PCDHA3: variants seen among roughly 807,000 people sequenced by gnomAD.
PCDHA3 encodes protocadherin alpha-3.
A neutral mutation model predicts 62.2 loss-of-function variants in PCDHA3; 41 were observed. That is an observed-to-expected ratio of 0.66 (90% CI 0.51 to 0.86). PCDHA3 has a LOEUF of 0.86. Among genes scored for constraint, PCDHA3 ranks in the 40% least tolerant of loss-of-function variants. PCDHA3 has a pLI of 0.00. For missense variants in PCDHA3, 1,304 were observed against 1,241.2 expected (o/e 1.05, Z -0.76); for synonymous variants, 640 against 555.4 (o/e 1.15, Z -2.14).
chr5:140,955,505 C>T (rs1253768939), intron 1 of PCDHA3, among the ~76,000 whole-genome samples: 2 of 152,152 alleles, frequency 1.3e-5, no homozygotes, highest in African/African-American at 2.4e-5. Flanking sequence ...TGAAGAAAGA[C>T]GTGTTTGCTT....
chr5:140,985,236 C>G (rs1338808702), intron 3 of PCDHA3, among the ~76,000 whole-genome samples: 1 of 152,184 alleles, frequency 6.6e-6, no homozygotes, highest in Admixed American at 6.5e-5. Context: ...CGCGCCTGGC[C>G]TAATCTTCTT....
At chr5:140,884,312 G>A in intron 1 of PCDHA3, 1 of 1,613,768 alleles carries the variant, frequency 6.2e-7, no homozygotes, top group Non-Finnish European at 8.5e-7. Context: ...TTCGTCGAGG[G>A]CGTCGGCAGG....
intron 1 of PCDHA3, chr5:140,852,261 A>G: frequency 2.0e-6 from 1 of 506,240 alleles, no homozygotes; most frequent in Non-Finnish European, 2.6e-6. Flanking sequence ...GGAATATGCT[A>G]CAATATTACA....
At chr5:140,814,992 GT>G (rs1765632783) in intron 1 of PCDHA3, 1 of 152,092 alleles carries the variant, frequency 6.6e-6, no homozygotes, top group Admixed American at 6.5e-5. Flanking sequence ...TTTGTGTGAT[GT>G]AGCTGTTTCC....
intron 1 of PCDHA3, among the ~76,000 whole-genome samples, chr5:140,923,795 A>C (rs1282849925): frequency 6.6e-6 from 1 of 152,360 alleles, no homozygotes; most frequent in African/African-American, 2.4e-5. Context: ...CATTCTTTTC[A>C]CAAATGAAAT....
chr5:140,883,885 C>T (rs550197512), intron 1 of PCDHA3: 4 of 1,613,260 alleles, frequency 2.5e-6, no homozygotes, highest in East Asian at 4.5e-5. Context: ...GCGCGCGCGA[C>T]TCTGGCGTGC....
intron 1 of PCDHA3, chr5:140,883,017 C>G: frequency 6.2e-7 from 1 of 1,614,054 alleles, no homozygotes. Context: ...TATAAAGTGA[C>G]GGTGTTAGAG....
intron 1 of PCDHA3, chr5:140,876,117 C>G: frequency 6.2e-7 from 1 of 1,613,922 alleles, no homozygotes; most frequent in East Asian, 2.2e-5. Context: ...TGATGGTAAT[C>G]GATGGCGGTA....
rs2150317144 is a variant in PCDHA3 at position 140,841,514 on chromosome 5, CG to C, written c.2394+37926del. ...GGCGGAGCTGGTGCCGCGCCTGTTC[CG>C]GGTGGCGTCCAAAAGACACCGGGAC... On this transcript the variant is annotated intron_variant, in intron 1 of 3. Transcript: ENST00000522353. 3,465 of 1,613,482 alleles carry C rather than the reference CG, an allele frequency of 2.1e-3. 25 individuals carry two copies. Among genetic ancestry groups the C allele is most frequent in the Non-Finnish European group, 2.6e-3 (3,065 of 1,179,942 alleles).
chr5:140,872,338 A>G (rs970096150), intron 1 of PCDHA3, among the ~76,000 whole-genome samples: 2 of 152,156 alleles, frequency 1.3e-5, no homozygotes, highest in Non-Finnish European at 2.9e-5. Flanking sequence ...AAAATTCTAC[A>G]TGTTCTTGCC....
chr5:140,824,610 G>GTTTGTTTTT (rs1768197195), intron 1 of PCDHA3: 1 of 95,104 alleles, frequency 1.1e-5, no homozygotes, highest in Non-Finnish European at 1.9e-5. Context: ...GCTAATTAAA[G>GTTTGTTTTT]TTTTTTTTTT....
rs2150356051 is a variant in PCDHA3, at chr5:140,843,257, C to A, written c.2394+39666C>A. On this transcript the variant is annotated intron_variant, in intron 1 of 3. Coordinates refer to ENST00000522353, the MANE Select transcript of PCDHA3 (RefSeq NM_018906.3). ...GGACGAAGCGGACTCTCCGCGCCAC[C>A]GTCTGCTGGTCCTGGTGAAGGATCA... 1.1e-5 allele frequency: 18 copies of A among 1,596,054 alleles called. 1 individual carries two copies. Among genetic ancestry groups the A allele is most frequent in the Non-Finnish European group, 1.5e-5 (18 of 1,165,602 alleles).
chr5:140,847,732 A>G (rs1781156684), intron 1 of PCDHA3: 1 of 149,812 alleles, frequency 6.7e-6, no homozygotes, highest in Admixed American at 6.7e-5. Flanking sequence ...AGAGAAAAAT[A>G]TATTTTCTCC....
intron 1 of PCDHA3, chr5:140,966,679 G>C (rs1554228549): frequency 8.3e-6 from 11 of 1,317,564 alleles, no homozygotes; most frequent in East Asian, 3.0e-5. Context: ...AGGGTGGCAC[G>C]AGCGGAGGCG....
intron 1 of PCDHA3, among the ~76,000 whole-genome samples, chr5:140,958,384 C>G (rs1352428582): frequency 6.6e-6 from 1 of 152,098 alleles, no homozygotes; most frequent in Non-Finnish European, 1.5e-5. Context: ...ATTTTCTTAA[C>G]AGGTCATCAA....
In PCDHA3 at chr5:140,836,401, G is replaced by T. The variant is rs2150259872; in HGVS notation, c.2394+32810G>T. 16 of 1,613,770 alleles carry T rather than the reference G, an allele frequency of 9.9e-6. 1 individual carries two copies. The African/African-American group carries it at 2.0e-4, about 20-fold the overall frequency. On this transcript the variant is annotated intron_variant, in intron 1 of 3. Transcript: ENST00000522353. ...GTGCTGGTGTCGCTGGTGGAAAGCG[G>T]CCAGGCACCAAAGGCGTCGTCGCGG...
In PCDHA3 at chr5:140,877,149, C is replaced by G. The variant is rs2056888845; in HGVS notation, c.2394+73558C>G. The G allele has an allele frequency of 2.5e-6, 4 of 1,613,648 alleles. No individual in the cohort carries two copies. The highest frequency in any genetic ancestry group is 1.1e-5 in the South Asian group (1 of 91,078). On this transcript the variant is annotated intron_variant, in intron 1 of 3. Coordinates refer to ENST00000522353, the MANE Select transcript of PCDHA3 (RefSeq NM_018906.3). ...TGCAGGTGTTCGTGCTGGACGAGAA[C>G]GACAACGCGCCGGCACTGCTGGCGA... is the stretch of plus-strand genomic sequence containing the variant.
At chr5:140,850,015 A>G (rs2041294167) in intron 1 of PCDHA3, 1 of 1,596,724 alleles carries the variant, frequency 6.3e-7, no homozygotes, top group Non-Finnish European at 8.6e-7. Flanking sequence ...CTGTCGAGCT[A>G]CGTGTCAGTG....
chr5:140,870,911 A>G (rs782609021), intron 1 of PCDHA3: 2 of 1,613,910 alleles, frequency 1.2e-6, no homozygotes, highest in Non-Finnish European at 1.7e-6. Context: ...TCAGGCTACA[A>G]CGCGTGGCTT....
Sources: allele counts gnomAD v4.1 joint callset (sites outside exome capture counted in the v4.1 genomes callset), GRCh38; gene constraint gnomAD v4.1.1; transcripts MANE v1.5; gene names NCBI Gene and HGNC (gene_info 2026-07-23, HGNC 2026-07-21).